The following SLC45A2 variants were observed in gnomAD, a reference collection of about 807,000 sequenced individuals.
The protein encoded by SLC45A2 is solute carrier family 45 member 2.
A neutral mutation model predicts 45.5 loss-of-function variants in SLC45A2; 36 were observed. The observed-to-expected ratio is 0.79, with a 90% CI of 0.61 to 1.04. SLC45A2 has a LOEUF of 1.04. Ranked by LOEUF, SLC45A2 falls within the 50% of genes least tolerant of loss-of-function variation. The probability of loss-of-function intolerance (pLI) is 0.00; values close to 1 mark genes in which losing one functional copy is unlikely to be tolerated. For missense variants in SLC45A2, 719 were observed against 671.0 expected (o/e 1.07, Z -0.79); for synonymous variants, 306 against 269.3 (o/e 1.14, Z -1.33).
At chr5:33,960,704 A>G (rs928071751) in intron 3 of SLC45A2, among the ~76,000 whole-genome samples, 1 of 152,190 alleles carries the variant, frequency 6.6e-6, no homozygotes, top group South Asian at 2.1e-4. Flanking sequence ...ACAAATCACC[A>G]CTAAAGAACT....
At chr5:33,979,152 G>A (rs543265234) in intron 2 of SLC45A2, among the ~76,000 whole-genome samples, 1 of 152,338 alleles carries the variant, frequency 6.6e-6, no homozygotes, top group Admixed American at 6.5e-5. Flanking sequence ...AGGCAGTAGG[G>A]CTACAGCTTG....
At chr5:33,963,085 T>C (rs1752495160) in intron 3 of SLC45A2, among the ~76,000 whole-genome samples, 1 of 152,232 alleles carries the variant, frequency 6.6e-6, no homozygotes, top group South Asian at 2.1e-4. Context: ...TCTAATTTTA[T>C]TTTTATTTTA....
At chr5:33,952,614 T>C (rs1752143963) in intron 4 of SLC45A2, among the ~76,000 whole-genome samples, 1 of 152,022 alleles carries the variant, frequency 6.6e-6, no homozygotes, top group Non-Finnish European at 1.5e-5. Flanking sequence ...CTGTAAGAAT[T>C]TCATTTTTAA....
At chr5:33,945,478 T>C (rs1751891385) in intron 6 of SLC45A2, among the ~76,000 whole-genome samples, 2 of 152,232 alleles carry the variant, frequency 1.3e-5, no homozygotes, top group Admixed American at 1.3e-4. Context: ...TAATACTTGA[T>C]ATTTCTTCCG....
Position 33,984,458 on chromosome 5 carries a change from C to A in SLC45A2, c.126G>T (p.Met42Ile), listed in dbSNP as rs1579564783. 4 of 1,613,726 alleles carry A rather than the reference C, an allele frequency of 2.5e-6. No homozygotes were observed. In the Admixed American group the frequency reaches 5.0e-5, roughly 20 times the overall value. Residue 42 changes from methionine to isoleucine, a missense_variant, in exon 1 of 7, where the codon ATG (methionine) becomes ATT (isoleucine). Coordinates refer to ENST00000296589, the MANE Select transcript of SLC45A2 (RefSeq NM_016180.5). The part of the protein sequence containing the change: ...TSRLIMHSMA[M>I]FGREFCYAVE... ...CCGCGTAGCAGAACTCTCTTCCGAA[C>A]ATGGCCATGCTGTGCATGATGAGTC...
chr5:33,970,660 A>G (rs1752751920), intron 2 of SLC45A2, among the ~76,000 whole-genome samples: 1 of 152,210 alleles, frequency 6.6e-6, no homozygotes, highest in Non-Finnish European at 1.5e-5. Flanking sequence ...CCTCTCAACA[A>G]CACAGCTTAA....
intron 2 of SLC45A2, among the ~76,000 whole-genome samples, chr5:33,965,209 C>T (rs576659513): frequency 1.4e-4 from 22 of 152,258 alleles, no homozygotes; most frequent in African/African-American, 3.9e-4. Context: ...AATATCTTCA[C>T]AAGCTAGAGA....
At chr5:33,969,065 C>CTCTCTG in intron 2 of SLC45A2, among the ~76,000 whole-genome samples, 2 of 102,466 alleles carry the variant, frequency 2.0e-5, no homozygotes, top group Non-Finnish European at 4.0e-5. Flanking sequence ...CTCTCTCTCT[C>CTCTCTG]TGTGTGTGTG....
At chr5:33,945,594 CAT>C (rs370957300) in intron 6 of SLC45A2, among the ~76,000 whole-genome samples, 160 of 152,124 alleles carry the variant, frequency 1.1e-3, no homozygotes, top group African/African-American at 3.7e-3. Context: ...CCTGGATGCA[CAT>C]GTTATTATCA....
At chr5:33,951,787 C>T (rs1752109464) in intron 4 of SLC45A2, 110 bp from the exon 5 acceptor site, 2 of 1,339,122 alleles carry the variant, frequency 1.5e-6, no homozygotes, top group East Asian at 4.6e-5. Context: ...CCTGAGGGAC[C>T]CTTTCTAGAG....
intron 1 of SLC45A2, among the ~76,000 whole-genome samples, chr5:33,983,575 A>AT (rs1413533716): frequency 7.2e-5 from 11 of 152,226 alleles, no homozygotes; most frequent in African/African-American, 1.7e-4. Flanking sequence ...AATGTGTGCT[A>AT]TTTTTAGCGA....
At chr5:33,946,020 TA>T (rs1425751844) in intron 6 of SLC45A2, 4 of 985,346 alleles carry the variant, frequency 4.1e-6, no homozygotes, top group Non-Finnish European at 4.8e-6. Context: ...TTATCTCACC[TA>T]AAAATGAACT....
chr5:33,973,471 G>A (rs1752841526), intron 2 of SLC45A2, among the ~76,000 whole-genome samples: 1 of 152,208 alleles, frequency 6.6e-6, no homozygotes, highest in African/African-American at 2.4e-5. Context: ...ATGAAAAAGA[G>A]AAAAGGTTAA....
At chr5:33,968,761 T>C (rs951899294) in intron 2 of SLC45A2, among the ~76,000 whole-genome samples, 6 of 152,198 alleles carry the variant, frequency 3.9e-5, no homozygotes, top group African/African-American at 1.4e-4. Flanking sequence ...ACCATCTGCC[T>C]GTAATTGCCT....
chr5:33,954,471 T>G lies in SLC45A2; in HGVS notation c.922A>C (p.Arg308=). The change falls in exon 4 of 7, where the codon AGA becomes CGA. Residue 308 remains arginine (R), a synonymous_variant. Transcript: ENST00000296589. ...TGAGGAGGCATGTTCACCAGTGCTCTCAGCAGTGACTTTAATGTCATTGCC... is the reference window on the plus strand; with the variant it reads ...TGAGGAGGCATGTTCACCAGTGCTCGCAGCAGTGACTTTAATGTCATTGCC... ...RRAMTLKSLL[R]ALVNMPPHYR... The G allele has an allele frequency of 6.2e-7, 1 of 1,614,076 alleles. No individual in the cohort carries two copies. Among genetic ancestry groups the G allele is most frequent in the South Asian group, 1.1e-5 (1 of 91,070 alleles).
intron 2 of SLC45A2, among the ~76,000 whole-genome samples, chr5:33,972,801 A>G (rs1188321987): frequency 6.6e-6 from 1 of 152,230 alleles, no homozygotes; most frequent in Admixed American, 6.5e-5. Context: ...CTGATATGGA[A>G]GTATGTATGT....
At chr5:33,973,402 T>C (rs1752839460) in intron 2 of SLC45A2, among the ~76,000 whole-genome samples, 1 of 152,180 alleles carries the variant, frequency 6.6e-6, no homozygotes, top group Non-Finnish European at 1.5e-5. Flanking sequence ...GATGTGAAAG[T>C]CTACCATGGG....
intron 4 of SLC45A2, among the ~76,000 whole-genome samples, chr5:33,953,579 C>A (rs1321983488): frequency 6.7e-6 from 1 of 150,340 alleles, no homozygotes; most frequent in Non-Finnish European, 1.5e-5. Flanking sequence ...TGGAAAGGAA[C>A]AACCGGTACC....
chr5:33,984,228 A>C lies in SLC45A2; in HGVS notation c.356T>G (p.Leu119Arg). 6.2e-7 allele frequency: 1 copy of C among 1,614,146 alleles called. No individual in the cohort carries two copies. Among genetic ancestry groups the C allele is most frequent in the Non-Finnish European group, 8.5e-7 (1 of 1,180,026 alleles). The change falls in exon 1 of 7, where the codon CTG becomes CGG. Residue 119 changes from leucine to arginine, a missense_variant. Coordinates refer to ENST00000296589, the MANE Select transcript of SLC45A2 (RefSeq NM_016180.5). ...LGVMMLVGMA[L>R]YLNGATVVAA... is the part of the protein sequence containing the mutation. ...TACAACAGTAGCCCCATTGAGGTAC[A>C]GAGCCATGCCCACGAGCATCATGAC...
Sources: allele counts gnomAD v4.1 joint callset (sites outside exome capture counted in the v4.1 genomes callset), GRCh38; gene constraint gnomAD v4.1.1; transcripts MANE v1.5; gene names NCBI Gene and HGNC (gene_info 2026-07-23, HGNC 2026-07-21).